Variants in SPATA13 observed in about 807,000 individuals in gnomAD.
The protein encoded by SPATA13 is spermatogenesis-associated protein 13.
SPATA13 carries 50 observed loss-of-function variants against 104.0 expected under a neutral mutation model. The ratio of observed to expected loss-of-function variants is 0.48; its 90% CI spans 0.38 to 0.61. The LOEUF is 0.61. Among genes scored for constraint, SPATA13 ranks in the 20% least tolerant of loss-of-function variants. The pLI is 0.00. For missense variants in SPATA13, 1,524 were observed against 1,690.6 expected, an observed-to-expected ratio of 0.90 and a Z score of 1.73; for synonymous variants, 606 against 667.5, an observed-to-expected ratio of 0.91 and a Z score of 1.42.
At chr13:24,017,736 T>G (rs1876783478) in intron 3 of SPATA13, 1 of 981,810 alleles carries the variant, frequency 1.0e-6, no homozygotes, top group South Asian at 4.7e-5. Flanking sequence ...TTCCCTCTCC[T>G]TCCTCCTTCT....
intron 2 of SPATA13, among the ~76,000 whole-genome samples, chr13:24,245,665 C>T (rs1171945240): frequency 7.0e-6 from 1 of 143,406 alleles, no homozygotes; most frequent in Non-Finnish European, 1.5e-5. Flanking sequence ...AATCATGGCT[C>T]ACTGCAGCCT....
chr13:24,063,804 A>T (rs1377620162), intron 3 of SPATA13, among the ~76,000 whole-genome samples: 1 of 152,230 alleles, frequency 6.6e-6, no homozygotes, highest in Non-Finnish European at 1.5e-5. Flanking sequence ...TTCTTCTCTT[A>T]GTCGCTGTCC....
chr13:24,053,042 A>G (rs1462697897), intron 3 of SPATA13, among the ~76,000 whole-genome samples: 1 of 151,378 alleles, frequency 6.6e-6, no homozygotes, highest in East Asian at 1.9e-4. Flanking sequence ...TTGGGCTGAA[A>G]AATAGGAATT....
At chr13:24,111,022 C>T (rs1362595572) in intron 3 of SPATA13, among the ~76,000 whole-genome samples, 1 of 152,114 alleles carries the variant, frequency 6.6e-6, no homozygotes, top group Non-Finnish European at 1.5e-5. Flanking sequence ...ATCCTCCTAC[C>T]TCAGTCTCCC....
At chr13:23,980,872 T>C (rs7330756) in intron 1 of SPATA13, among the ~76,000 whole-genome samples, 23,021 of 152,144 alleles carry the variant, frequency 0.15, 2,268 homozygotes, top group Admixed American at 0.28. Context: ...GATTAGAAGC[T>C]TGAGCCACTG....
rs1474516993 is a variant in SPATA13 at position 24,027,374 on chromosome 13, C to T, written c.-112+9673C>T. The stretch of plus-strand genomic sequence containing the variant: ...AGTCTTGAACTCCTGACCTCATGAT[C>T]CACCCGCCTCGGCCTCCCAAAGTGC... On this transcript the variant is annotated intron_variant, in intron 3 of 14. Coordinates refer to the SPATA13 transcript ENST00000424834. Among the ~76,000 whole-genome samples, 4 of 151,440 alleles carry T rather than the reference C, an allele frequency of 2.6e-5. No homozygotes were observed. In the East Asian group the frequency reaches 5.9e-4, roughly 22 times the overall value.
rs374493986 is a variant in SPATA13 at position 24,307,037 on chromosome 13, T to C, written c.*4264T>C. 2.6e-4 allele frequency: 40 copies of C among 152,372 alleles called. No homozygotes were observed. Among genetic ancestry groups the C allele is most frequent in the African/African-American group, 9.4e-4 (39 of 41,596 alleles). 9.4% of individuals were successfully genotyped at this position (152,372 alleles called of 1,614,324 possible). ...TTTTTAAATGCTGTGAATCTATATT[T>C]GTTGTTTTGTATATTAAAATTCATT... On this transcript the variant is annotated 3_prime_UTR_variant, in exon 13 of 13. Coordinates refer to ENST00000382108, the MANE Select transcript of SPATA13 (RefSeq NM_001166271.3).
At chr13:24,117,595 T>C (rs901743208) in intron 3 of SPATA13, among the ~76,000 whole-genome samples, 1 of 152,224 alleles carries the variant, frequency 6.6e-6, no homozygotes, top group African/African-American at 2.4e-5. Flanking sequence ...GAACTGCTTA[T>C]GACATTTTTC....
chr13:24,273,399 T>G (rs2138701339), intron 4 of SPATA13, among the ~76,000 whole-genome samples: 1 of 152,352 alleles, frequency 6.6e-6, no homozygotes, highest in East Asian at 1.9e-4. Flanking sequence ...TAGTGAGAGT[T>G]AATATGTCAG....
intron 2 of SPATA13, 31 bp downstream of exon 2, chr13:24,224,613 G>A: frequency 6.5e-7 from 1 of 1,536,298 alleles, no homozygotes; most frequent in Non-Finnish European, 8.7e-7. Flanking sequence ...CCTCATGTGG[G>A]CGACCCTCCT....
intron 3 of SPATA13, among the ~76,000 whole-genome samples, chr13:24,112,218 C>G (rs1880661249): frequency 6.6e-6 from 1 of 152,212 alleles, no homozygotes; most frequent in South Asian, 2.1e-4. Flanking sequence ...CCAATTAAAA[C>G]AGATTGTTCT....
At chr13:24,052,360 C>G (rs151254255) in intron 3 of SPATA13, among the ~76,000 whole-genome samples, 4 of 150,984 alleles carry the variant, frequency 2.6e-5, no homozygotes, top group Non-Finnish European at 4.4e-5. Flanking sequence ...GCAGCGTTAA[C>G]GAGATCCCAT....
intron 11 of SPATA13, among the ~76,000 whole-genome samples, chr13:24,298,226 G>T (rs967670521): frequency 6.6e-6 from 1 of 152,148 alleles, no homozygotes; most frequent in African/African-American, 2.4e-5. Context: ...GAAGTATCAC[G>T]TGATTCTGGA....
At chr13:24,108,504 G>A (rs921616690) in intron 3 of SPATA13, among the ~76,000 whole-genome samples, 4 of 152,184 alleles carry the variant, frequency 2.6e-5, no homozygotes, top group Non-Finnish European at 4.4e-5. Flanking sequence ...CTTGTGAAAC[G>A]GGACCTGCCT....
chr13:24,094,571 T>C (rs184438134), intron 3 of SPATA13, among the ~76,000 whole-genome samples: 3 of 152,326 alleles, frequency 2.0e-5, no homozygotes, highest in African/African-American at 7.2e-5. Context: ...GCTTAAAATG[T>C]TTTTAAAAAT....
In SPATA13 at chr13:24,179,705, A is replaced by G. The variant is rs117655769; in HGVS notation, c.-112+18773A>G. Among the ~76,000 whole-genome samples, 571 of 152,300 alleles carry G rather than the reference A, an allele frequency of 3.7e-3. 3 individuals carry two copies. Among genetic ancestry groups the G allele is most frequent in the Non-Finnish European group, 6.7e-3 (458 of 68,024 alleles). On this transcript the variant is annotated intron_variant, in intron 1 of 12. Transcript: ENST00000382108. ...CTGCTTTATTGATTCTAGCCAGCTTAACTAATGTGTCTGAAGTGGCATCTT... is the reference window on the plus strand; with the variant it reads ...CTGCTTTATTGATTCTAGCCAGCTTGACTAATGTGTCTGAAGTGGCATCTT...
At chr13:24,045,363 A>G (rs1878103484) in intron 3 of SPATA13, among the ~76,000 whole-genome samples, 1 of 151,940 alleles carries the variant, frequency 6.6e-6, no homozygotes, top group Admixed American at 6.5e-5. Context: ...CTTATTTTAT[A>G]CACACCTTTT....
rs112941345 is a variant in SPATA13 at position 24,169,832 on chromosome 13, G to A, written c.-112+8900G>A. The stretch of plus-strand genomic sequence containing the variant: ...CAGTGAGTCCCCACTCTCCTCTCCT[G>A]CCTGGCTGCTCTGCCTGCAGACTCC... On this transcript the variant is annotated intron_variant, in intron 1 of 12. Transcript: ENST00000382108. Among the ~76,000 whole-genome samples, 1,499 of 152,254 alleles carry A rather than the reference G, an allele frequency of 9.8e-3. 25 individuals are homozygous for A. Among genetic ancestry groups the A allele is most frequent in the African/African-American group, 0.035 (1,455 of 41,548 alleles).
chr13:24,142,589 G>T (rs1881797137), intron 3 of SPATA13, among the ~76,000 whole-genome samples: 1 of 152,074 alleles, frequency 6.6e-6, no homozygotes, highest in African/African-American at 2.4e-5. Context: ...ACTTTTTTGT[G>T]TGTATATTGG....
Sources: allele counts gnomAD v4.1 joint callset (sites outside exome capture counted in the v4.1 genomes callset), GRCh38; gene constraint gnomAD v4.1.1; transcripts MANE v1.5; gene names NCBI Gene and HGNC (gene_info 2026-07-23, HGNC 2026-07-21).